Variants in MECR observed in about 807,000 individuals in gnomAD.
MECR encodes enoyl-[acyl-carrier-protein] reductase, mitochondrial.
A neutral mutation model predicts 49.1 loss-of-function variants in MECR; 37 were observed. That is an observed-to-expected ratio of 0.75 (90% CI 0.58 to 0.99). The LOEUF is 0.99. MECR is among the 50% of genes least tolerant of loss of function. The pLI is 0.00. For missense variants in MECR, 470 were observed against 479.6 expected (o/e 0.98, Z 0.19); for synonymous variants, 198 against 191.1 (o/e 1.04, Z -0.30).
downstream of MECR, among the ~76,000 whole-genome samples, chr1:29,189,773 T>C (rs1404833694): frequency 6.6e-6 from 1 of 151,974 alleles, no homozygotes; most frequent in Non-Finnish European, 1.5e-5. Context: ...GCTGGAGGGA[T>C]TTTTTTTCAA....
At position 29,216,097 on chromosome 1, in the gene MECR, C is replaced by T. The variant is rs1444378382; in HGVS notation, c.314G>A (p.Gly105Glu). Residue 105 changes from glycine to glutamate, a missense_variant, in exon 3 of 10, where the codon GGG (glycine) becomes GAG (glutamate). Transcript: ENST00000263702. ...GFLPELPAVG[G>E]NEGVAQVVAV... is the part of the protein sequence containing the mutation. ...TACCACCTGTGCAACACCTTCGTTC[C>T]CTCCAACAGCAGGCAGTTCAGGAAG... 1 of 1,614,036 alleles carries T rather than the reference C, an allele frequency of 6.2e-7. No homozygotes were observed. Among genetic ancestry groups the T allele is most frequent in the Non-Finnish European group, 8.5e-7 (1 of 1,179,950 alleles).
Position 29,201,605 on chromosome 1 carries a change from C to A in MECR, c.756+338G>T. The A allele has an allele frequency of 2.1e-6, 1 of 468,894 alleles. No homozygotes were observed. Among genetic ancestry groups the A allele is most frequent in the Non-Finnish European group, 4.1e-6 (1 of 246,798 alleles). 29.0% of individuals were successfully genotyped at this position (468,894 alleles called of 1,614,324 possible). The stretch of plus-strand genomic sequence containing the variant: ...GGCAGGTGGTTGGGAAAGGTTACTT[C>A]TTTTCTTTCTCTTTCTGTGTCTCTG... On this transcript the variant is annotated intron_variant, in intron 6 of 9. Transcript: ENST00000263702. The surrounding 1 kb of genome is among the most constrained non-coding windows in gnomAD (Gnocchi z 4.3).
chr1:29,196,380 G>A (rs1489993805), intron 7 of MECR, 122 bp from the exon 8 acceptor site: 1 of 888,738 alleles, frequency 1.1e-6, no homozygotes, highest in Non-Finnish European at 1.7e-6. Flanking sequence ...AGAATCTCTG[G>A]GAAAGGTTGA....
chr1:29,190,102 C>T (rs149942079), downstream of MECR, among the ~76,000 whole-genome samples: 1,679 of 152,216 alleles, frequency 0.011, 37 homozygotes, highest in African/African-American at 0.038. Context: ...AGGCCGGGCG[C>T]GGTGGCTCAC....
the MECR span, chr1:29,170,268 G>T: frequency 2.6e-5 from 4 of 152,238 alleles, no homozygotes; most frequent in Middle Eastern, 0.01. Context: ...CTCGAGAGAT[G>T]AAAGTCACAT....
chr1:29,181,663 C>T, the MECR span: 2 of 1,594,108 alleles, frequency 1.3e-6, no homozygotes, highest in Non-Finnish European at 1.7e-6. Context: ...TCAGATCCAC[C>T]TCCAGGATCT....
At chr1:29,218,248 T>C (rs79975671) in intron 1 of MECR, among the ~76,000 whole-genome samples, 5,227 of 152,276 alleles carry the variant, frequency 0.034, 278 homozygotes, top group African/African-American at 0.12. Flanking sequence ...AAAAAGCTTT[T>C]TAAAAAAGGA....
At chr1:29,200,245 T>C (rs1369107697) in intron 7 of MECR, 1 of 301,580 alleles carries the variant, frequency 3.3e-6, no homozygotes. Flanking sequence ...AATCCTTGAC[T>C]ATTCCTCTAT....
chr1:29,196,641 T>TC (rs1451002631), intron 7 of MECR, among the ~76,000 whole-genome samples: 2 of 151,986 alleles, frequency 1.3e-5, no homozygotes, highest in Non-Finnish European at 2.9e-5. Context: ...TGAGCCCTGA[T>TC]CGCACTACTG....
chr1:29,208,157 T>C (rs1677080229), intron 3 of MECR, among the ~76,000 whole-genome samples: 1 of 152,104 alleles, frequency 6.6e-6, no homozygotes. Flanking sequence ...CACGCCCGGC[T>C]AATTTTTGTA....
the MECR span, among the ~76,000 whole-genome samples, chr1:29,177,455 A>G: frequency 6.6e-6 from 1 of 151,962 alleles, no homozygotes; most frequent in Non-Finnish European, 1.5e-5. Flanking sequence ...CTAACTTTGT[A>G]TTTTTAGTAG....
the MECR span, among the ~76,000 whole-genome samples, chr1:29,168,040 T>G: frequency 1.5e-5 from 2 of 136,204 alleles, no homozygotes; most frequent in African/African-American, 5.5e-5. Flanking sequence ...AAAAAAAACA[T>G]AGTCTCGCTC....
chr1:29,192,565 T>C (rs1305341213), downstream of MECR, among the ~76,000 whole-genome samples: 1 of 152,134 alleles, frequency 6.6e-6, no homozygotes. Flanking sequence ...ATCCTTAGCT[T>C]TGGGCACACA....
Position 29,203,124 on chromosome 1 carries a change from C to T in MECR, c.653+7G>A. ...TGGTCTGGGATGAAGCCTCCTTCCC[C>T]ACGCACCTGTCTCGGACCACATTGA... On this transcript the variant is annotated splice_region_variant and intron_variant, in intron 5 of 9. Coordinates refer to ENST00000263702, the MANE Select transcript of MECR (RefSeq NM_016011.5). The T allele has an allele frequency of 1.9e-6, 3 of 1,563,804 alleles. No individual in the cohort carries two copies. Among genetic ancestry groups the T allele is most frequent in the Non-Finnish European group, 2.6e-6 (3 of 1,151,202 alleles).
At chr1:29,227,812 C>T (rs923773687) in intron 1 of MECR, among the ~76,000 whole-genome samples, 1 of 152,198 alleles carries the variant, frequency 6.6e-6, no homozygotes, top group African/African-American at 2.4e-5. Context: ...GACATGACTA[C>T]AAAGAGAATC....
chr1:29,214,284 C>CTCCT, intron 3 of MECR, among the ~76,000 whole-genome samples: 1 of 151,814 alleles, frequency 6.6e-6, no homozygotes. Flanking sequence ...TGGTCTCAAA[C>CTCCT]TCCTGACCTC....
chr1:29,209,781 G>C (rs1003954643), intron 3 of MECR, among the ~76,000 whole-genome samples: 1 of 152,142 alleles, frequency 6.6e-6, no homozygotes, highest in Non-Finnish European at 1.5e-5. Flanking sequence ...GAGCCTTGTT[G>C]GCTCAGCATC....
At chr1:29,174,503 G>A in the MECR span, among the ~76,000 whole-genome samples, 1,586 of 152,160 alleles carry the variant, frequency 0.01, 31 homozygotes, top group African/African-American at 0.036. Context: ...GGAGTACTAT[G>A]TAGCCATTAG....
At chr1:29,180,294 T>C in the MECR span, among the ~76,000 whole-genome samples, 3 of 152,072 alleles carry the variant, frequency 2.0e-5, no homozygotes, top group African/African-American at 4.8e-5. Flanking sequence ...ATGTATACAA[T>C]AACGTCTACC....
Sources: allele counts gnomAD v4.1 joint callset (sites outside exome capture counted in the v4.1 genomes callset), GRCh38; gene constraint gnomAD v4.1.1; non-coding constraint Gnocchi (gnomAD v3.1); transcripts MANE v1.5; gene names NCBI Gene and HGNC (gene_info 2026-07-23, HGNC 2026-07-21).